GPR83: variants seen among roughly 807,000 people sequenced by gnomAD.
GPR83 encodes the protein G protein-coupled receptor 83, also known as G-protein coupled receptor 72.
A neutral mutation model predicts 28.0 loss-of-function variants in GPR83; 23 were observed. That is an observed-to-expected ratio of 0.82 (90% CI 0.59 to 1.16). The LOEUF (loss-of-function observed/expected upper bound fraction) is 1.16. Ranked by LOEUF, GPR83 falls within the 50% of genes most tolerant of loss-of-function variation. GPR83 has a pLI of 0.00. For synonymous variants in GPR83, 234 were observed against 215.4 expected, an observed-to-expected ratio of 1.09 and a Z score of -0.76; for missense variants, 610 against 536.6, an observed-to-expected ratio of 1.14 and a Z score of -1.35.
At chr11:94,395,058 C>T (rs887064207) in intron 2 of GPR83, among the ~76,000 whole-genome samples, 2 of 152,116 alleles carry the variant, frequency 1.3e-5, no homozygotes, top group Admixed American at 6.6e-5. Flanking sequence ...AAAGCATCTG[C>T]AACATAAATT....
In GPR83 at chr11:94,400,885, C is replaced by T. The variant is rs1354641341; in HGVS notation, c.363G>A (p.Thr121=). ...CCAAAGTGAAGGGGGTGTTGAGCAG[C>T]GTGATCATTATGTCGGCAACTGCCA... is the stretch of plus-strand genomic sequence containing the variant. ...VNLAVADIMI[T]LLNTPFTLVR... Residue 121 remains threonine (T), a synonymous_variant, in exon 1 of 4, where the codon ACG becomes ACA. Coordinates refer to ENST00000243673, the MANE Select transcript of GPR83 (RefSeq NM_016540.4). 5.0e-6 allele frequency: 8 copies of T among 1,614,064 alleles called. No individual in the cohort carries two copies. The South Asian group carries it at 6.6e-5, about 13-fold the overall frequency.
intron 3 of GPR83, among the ~76,000 whole-genome samples, chr11:94,381,584 C>CATGT (rs1554991078): frequency 2.1e-5 from 3 of 141,816 alleles, no homozygotes; most frequent in Admixed American, 7.2e-5. Context: ...TGTGTGCGCG[C>CATGT]GTGCTGCAGG....
chr11:94,386,016 A>G (rs995507912), intron 3 of GPR83, among the ~76,000 whole-genome samples: 5 of 152,234 alleles, frequency 3.3e-5, no homozygotes, highest in Non-Finnish European at 7.3e-5. Flanking sequence ...GAAACCCTAC[A>G]AGCCAGAAGA....
At chr11:94,385,118 C>T (rs1291713162) in intron 3 of GPR83, among the ~76,000 whole-genome samples, 1 of 152,216 alleles carries the variant, frequency 6.6e-6, no homozygotes, top group African/African-American at 2.4e-5. Context: ...CAAACTCCAA[C>T]AGACCTGAAG....
chr11:94,389,614 A>T (rs1398410890), intron 3 of GPR83, among the ~76,000 whole-genome samples: 2 of 152,262 alleles, frequency 1.3e-5, no homozygotes, highest in East Asian at 1.9e-4. Flanking sequence ...TCAAAACCAC[A>T]ATGAGATACC....
In GPR83 at chr11:94,378,672, A is replaced by G. The variant is rs1399805249; in HGVS notation, c.*1477T>C. 1.3e-5 allele frequency: 2 copies of G among 152,426 alleles called. No homozygotes were observed. Among genetic ancestry groups the G allele is most frequent in the Admixed American group, 6.6e-5 (1 of 15,222 alleles). 9.4% of individuals were successfully genotyped at this position (152,426 alleles called of 1,614,324 possible). A position where few individuals can be genotyped will look rare whatever the true frequency, so the allele number is the denominator to read the frequency against. On this transcript the variant is annotated 3_prime_UTR_variant, in exon 4 of 4. Transcript: ENST00000243673. ...TCCTTTTGAGAAATGGTGTGAAAAA[A>G]CCCTCATTATTTAGACAACACAGCG...
chr11:94,396,550 GAGAC>G lies in GPR83; in HGVS notation c.388-30_388-27del, dbSNP rs766403180. The G allele has an allele frequency of 1.1e-5, 17 of 1,609,014 alleles. No homozygotes were observed. The East Asian group carries it at 3.4e-4, about 32-fold the overall frequency. Reference sequence around the variant, plus strand: ...CTGGAGATGAGCCCAAAGATGTTAGGAGACAGACAGGCCTTGACTTTGACACCCA... The same window carrying G: ...CTGGAGATGAGCCCAAAGATGTTAGGAGACAGGCCTTGACTTTGACACCCA... On this transcript the variant is annotated intron_variant, in intron 1 of 3. Transcript: ENST00000243673.
chr11:94,380,924 T>G (rs1944680587), intron 3 of GPR83, 151 bp from the exon 4 acceptor site: 1 of 651,998 alleles, frequency 1.5e-6, no homozygotes, highest in Non-Finnish European at 2.6e-6. Context: ...AGCCTAATTA[T>G]CTGATTACAT....
intron 2 of GPR83, among the ~76,000 whole-genome samples, chr11:94,394,271 A>T (rs953021236): frequency 1.1e-4 from 16 of 152,108 alleles, no homozygotes; most frequent in Admixed American, 9.2e-4. Flanking sequence ...CATTCTCATC[A>T]CTCATCCTGG....
In GPR83 at chr11:94,398,501, C is replaced by T. The variant is rs190279027; in HGVS notation, c.388-1977G>A. Among the ~76,000 whole-genome samples, 535 of 152,332 alleles carry T rather than the reference C, an allele frequency of 3.5e-3. 5 individuals are homozygous for T. The highest frequency in any genetic ancestry group is 0.01 in the Middle Eastern group (3 of 294). ...CATCTCAACCCGGGAAATTTCTATTCAGTCAGGTCCTGTTGAAATGTCACA... is the reference window on the plus strand; with the variant it reads ...CATCTCAACCCGGGAAATTTCTATTTAGTCAGGTCCTGTTGAAATGTCACA... On this transcript the variant is annotated intron_variant, in intron 1 of 3. Coordinates refer to ENST00000243673, the MANE Select transcript of GPR83 (RefSeq NM_016540.4).
rs766270236 is a variant in GPR83 at position 94,401,069 on chromosome 11, C to G, written c.179G>C (p.Arg60Pro). 1 of 1,614,200 alleles carries G rather than the reference C, an allele frequency of 6.2e-7. No individual in the cohort carries two copies. The highest frequency in any genetic ancestry group is 2.2e-5 in the East Asian group (1 of 44,872). ...SDWQNFVGRR[R>P]YGAESQNPTV... ...GGGGTTCTGGGACTCAGCGCCGTAG[C>G]GCCTCCTGCCCACAAAGTTCTGCCA... The change falls in exon 1 of 4, where the codon CGC (arginine) becomes CCC (proline). Residue 60 changes from arginine to proline, a missense_variant. Coordinates refer to ENST00000243673, the MANE Select transcript of GPR83 (RefSeq NM_016540.4).
chr11:94,400,616 C>G (rs1043790130), intron 1 of GPR83, among the ~76,000 whole-genome samples: 15 of 148,660 alleles, frequency 1.0e-4, no homozygotes, highest in African/African-American at 3.7e-4. Context: ...GAGAGAGAGA[C>G]AGAGACTGAA....
At position 94,378,574 on chromosome 11, in the gene GPR83, T is replaced by G. The variant is rs1413739471; in HGVS notation, c.*1575A>C. ...CAAGTTAGACCCTTAAGAATTGAGATCTCTTAAGGATGCATAAGTTTCTGT... is the reference window on the plus strand; with the variant it reads ...CAAGTTAGACCCTTAAGAATTGAGAGCTCTTAAGGATGCATAAGTTTCTGT... On this transcript the variant is annotated 3_prime_UTR_variant, in exon 4 of 4. Transcript: ENST00000243673. 2.0e-5 allele frequency: 3 copies of G among 152,524 alleles called. No homozygotes were observed. Among genetic ancestry groups the G allele is most frequent in the African/African-American group, 7.2e-5 (3 of 41,446 alleles). 9.4% of individuals were successfully genotyped at this position (152,524 alleles called of 1,614,324 possible). A position where few individuals can be genotyped will look rare whatever the true frequency, so the allele number is the denominator to read the frequency against.
chr11:94,388,924 T>C (rs1457655514), intron 3 of GPR83, among the ~76,000 whole-genome samples: 5 of 152,154 alleles, frequency 3.3e-5, no homozygotes, highest in East Asian at 1.9e-4. Context: ...CTTCAAACTA[T>C]ACTACAAGGC....
rs1194380583 is a variant in GPR83, at chr11:94,378,729, A to G, written c.*1420T>C. The G allele has an allele frequency of 6.6e-6, 1 of 152,640 alleles. No homozygotes were observed. The highest frequency in any genetic ancestry group is 2.4e-5 in the African/African-American group (1 of 41,456). The allele number at this position is 152,640 out of a possible 1,614,324, so 9.5% of individuals were successfully genotyped here. On this transcript the variant is annotated 3_prime_UTR_variant, in exon 4 of 4. Coordinates refer to ENST00000243673, the MANE Select transcript of GPR83 (RefSeq NM_016540.4). ...CCTTTCTAGACAGCTTGGGAGGATG[A>G]GGTGTCTAAGCACAATTACTTCCAG...
At chr11:94,383,162 G>GA (rs796409610) in intron 3 of GPR83, among the ~76,000 whole-genome samples, 1,323 of 119,108 alleles carry the variant, frequency 0.011, 19 homozygotes, top group African/African-American at 0.037. Context: ...AACAAAAAAA[G>GA]AAAAAAAAAA....
In GPR83 at chr11:94,378,723, A is replaced by C. The variant is rs1944646925; in HGVS notation, c.*1426T>G. The C allele has an allele frequency of 6.6e-6, 1 of 152,628 alleles. No individual in the cohort carries two copies. Among genetic ancestry groups the C allele is most frequent in the African/African-American group, 2.4e-5 (1 of 41,466 alleles). 9.5% of individuals were successfully genotyped at this position (152,628 alleles called of 1,614,324 possible). ...AAATGGCCTTTCTAGACAGCTTGGG[A>C]GGATGAGGTGTCTAAGCACAATTAC... On this transcript the variant is annotated 3_prime_UTR_variant, in exon 4 of 4. Transcript: ENST00000243673.
At position 94,380,632 on chromosome 11, in the gene GPR83, G is replaced by A. The variant is rs774580950; in HGVS notation, c.789C>T (p.Ala263=). Residue 263 remains alanine, a synonymous_variant, in exon 4 of 4, where the codon GCC becomes GCT. Coordinates refer to ENST00000243673, the MANE Select transcript of GPR83 (RefSeq NM_016540.4). ...LIISVAYARV[A]KKLWLCNMIG... is the part of the protein sequence containing the mutation. ...TCATATTACACAGCCACAGTTTCTTGGCCACACGAGCGTAGGCCACAGAGA... is the reference window on the plus strand; with the variant it reads ...TCATATTACACAGCCACAGTTTCTTAGCCACACGAGCGTAGGCCACAGAGA... 1 of 1,614,064 alleles carries A rather than the reference G, an allele frequency of 6.2e-7. No homozygotes were observed. The highest frequency in any genetic ancestry group is 8.5e-7 in the Non-Finnish European group (1 of 1,180,014).
At chr11:94,381,052 G>C (rs1011483740) in intron 3 of GPR83, among the ~76,000 whole-genome samples, 2 of 152,144 alleles carry the variant, frequency 1.3e-5, no homozygotes, top group Non-Finnish European at 2.9e-5. Context: ...ATACATATTT[G>C]TTGAATAAAT....
Sources: allele counts gnomAD v4.1 joint callset (sites outside exome capture counted in the v4.1 genomes callset), GRCh38; gene constraint gnomAD v4.1.1; transcripts MANE v1.5; gene names NCBI Gene and HGNC (gene_info 2026-07-23, HGNC 2026-07-21).